The following SEPTIN9 variants were observed in gnomAD, a reference collection of about 807,000 sequenced individuals.
SEPTIN9 encodes septin-9.
A neutral mutation model predicts 56.6 loss-of-function variants in SEPTIN9; 13 were observed. The ratio of observed to expected loss-of-function variants is 0.23; its 90% CI spans 0.15 to 0.37. SEPTIN9 has a LOEUF of 0.37. Among genes scored for constraint, SEPTIN9 ranks in the 10% least tolerant of loss-of-function variants. The pLI, the probability that SEPTIN9 is intolerant of heterozygous loss-of-function variation, is 1.00. For missense variants in SEPTIN9, 650 were observed against 823.1 expected (o/e 0.79, Z 2.57); for synonymous variants, 332 against 334.1 (o/e 0.99, Z 0.07).
At position 77,456,317 on chromosome 17, in the gene SEPTIN9, T is replaced by G. The variant is rs2038201493; in HGVS notation, c.722-25827T>G. 1 of 152,238 alleles carries G rather than the reference T, an allele frequency of 6.6e-6. No individual in the cohort carries two copies. The highest frequency in any genetic ancestry group is 1.5e-5 in the Non-Finnish European group (1 of 68,130). 9.4% of individuals were successfully genotyped at this position (152,238 alleles called of 1,614,324 possible). On this transcript the variant is annotated intron_variant, in intron 3 of 11. Coordinates refer to ENST00000427177, the MANE Select transcript of SEPTIN9 (RefSeq NM_001113491.2). This position sits in a 1 kb window ranked among gnomAD's most constrained non-coding sequence, Gnocchi z 6.0. ...GACGCCACACGAGGAGCAGGTGTGG[T>G]GTGCGTCCTCCTGCGGGTTCTCCAC...
intron 1 of SEPTIN9, among the ~76,000 whole-genome samples, chr17:77,292,633 A>G (rs1018579818): frequency 2.0e-5 from 3 of 152,052 alleles, no homozygotes; most frequent in Non-Finnish European, 4.4e-5. Flanking sequence ...AGCTGGGACT[A>G]CAGGCGCCCG....
At chr17:77,393,892 G>A (rs527550631) in intron 2 of SEPTIN9, among the ~76,000 whole-genome samples, 4 of 152,208 alleles carry the variant, frequency 2.6e-5, no homozygotes, top group African/African-American at 9.6e-5. Context: ...GGCCTCAGGG[G>A]CACCTTATTA....
At chr17:77,396,352 G>T (rs416470) in intron 2 of SEPTIN9, among the ~76,000 whole-genome samples, 1 of 152,230 alleles carries the variant, frequency 6.6e-6, no homozygotes, top group Non-Finnish European at 1.5e-5. Flanking sequence ...CTTTGAATCT[G>T]CCCAGTTGGG....
intron 3 of SEPTIN9, among the ~76,000 whole-genome samples, chr17:77,410,249 C>G (rs963058564): frequency 6.6e-6 from 1 of 152,294 alleles, no homozygotes; most frequent in East Asian, 1.9e-4. Context: ...CCCACTGCTG[C>G]TACTGGGTGT....
intron 3 of SEPTIN9, among the ~76,000 whole-genome samples, chr17:77,441,301 T>A (rs1240266714): frequency 1.3e-5 from 2 of 152,200 alleles, no homozygotes; most frequent in Non-Finnish European, 2.9e-5. Context: ...AACAGTCTCA[T>A]GCCAGATAGC....
chr17:77,481,759 G>A (rs1330150408), intron 3 of SEPTIN9, among the ~76,000 whole-genome samples: 1 of 152,202 alleles, frequency 6.6e-6, no homozygotes, highest in Non-Finnish European at 1.5e-5. Context: ...AGGGCCAGGA[G>A]AGGAGAGCAC....
intron 2 of SEPTIN9, chr17:77,375,926 T>C (rs2143931975): frequency 5.3e-6 from 1 of 188,002 alleles, no homozygotes; most frequent in African/African-American, 2.4e-5. Context: ...GGTGTGTATA[T>C]GGGAGTTGGA....
chr17:77,416,765 G>A (rs1229218409), intron 3 of SEPTIN9, among the ~76,000 whole-genome samples: 1 of 152,146 alleles, frequency 6.6e-6, no homozygotes, highest in Non-Finnish European at 1.5e-5. Flanking sequence ...GCTGGAACTG[G>A]ATGCAGAGCA....
In SEPTIN9 at chr17:77,451,287, C is replaced by T; in HGVS notation, c.722-30857C>T. 1.2e-6 allele frequency: 1 copy of T among 856,844 alleles called. No individual in the cohort carries two copies. 53.1% of individuals were successfully genotyped at this position (856,844 alleles called of 1,614,324 possible). ...TGCGCCGGGCCTGCCGCTGGGCGCC[C>T]CTATCTCTGCCTGCCCCCTCCTCCT... On this transcript the variant is annotated intron_variant, in intron 3 of 11. Transcript: ENST00000427177. This position sits in a 1 kb window ranked among gnomAD's most constrained non-coding sequence, Gnocchi z 4.2.
At chr17:77,383,190 C>CTCCCTCTT (rs1555655727) in intron 2 of SEPTIN9, among the ~76,000 whole-genome samples, 8 of 147,986 alleles carry the variant, frequency 5.4e-5, no homozygotes, top group African/African-American at 2.0e-4. Flanking sequence ...CCTTCTCTCC[C>CTCCCTCTT]TCCCTCCCTC....
chr17:77,379,445 C>T (rs1370277091), intron 2 of SEPTIN9, among the ~76,000 whole-genome samples: 1 of 152,144 alleles, frequency 6.6e-6, no homozygotes, highest in Admixed American at 6.5e-5. Flanking sequence ...GCAGACTGTG[C>T]ATTTGTCTGT....
rs920373740 is a variant in SEPTIN9, at chr17:77,371,693, C to T, written c.77-30366C>T. ...ATACCCTGGCCTGGCGTGGAAGATA[C>T]GGGGTGCTATTAATGGCAGCAATGG... On this transcript the variant is annotated intron_variant, in intron 2 of 11. Coordinates refer to ENST00000427177, the MANE Select transcript of SEPTIN9 (RefSeq NM_001113491.2). The surrounding 1 kb of genome is among the most constrained non-coding windows in gnomAD (Gnocchi z 4.1). Among the ~76,000 whole-genome samples the T allele has an allele frequency of 2.1e-4, 32 of 152,262 alleles. No homozygotes were observed. Among genetic ancestry groups the T allele is most frequent in the African/African-American group, 6.5e-4 (27 of 41,542 alleles).
rs147633418 is a variant in SEPTIN9 at position 77,311,936 on chromosome 17, A to G, written c.76+4739A>G. Among the ~76,000 whole-genome samples, 49 of 152,134 alleles carry G rather than the reference A, an allele frequency of 3.2e-4. No individual in the cohort carries two copies. The East Asian group carries it at 7.4e-3, about 23-fold the overall frequency. ...ACCCATAGCTACCCACTCTTCCTCT[A>G]TTTCTCTGATATCAGCCTTGCCACC... is the stretch of plus-strand genomic sequence containing the variant. On this transcript the variant is annotated intron_variant, in intron 2 of 11. Coordinates refer to ENST00000427177, the MANE Select transcript of SEPTIN9 (RefSeq NM_001113491.2).
chr17:77,409,293 C>A (rs888900165), intron 3 of SEPTIN9, among the ~76,000 whole-genome samples: 29 of 150,224 alleles, frequency 1.9e-4, no homozygotes, highest in Middle Eastern at 3.4e-3. Flanking sequence ...GAACAGGAAT[C>A]AATGCGGGAG....
intron 2 of SEPTIN9, among the ~76,000 whole-genome samples, chr17:77,354,776 G>A (rs2034170284): frequency 6.6e-6 from 1 of 152,102 alleles, no homozygotes; most frequent in South Asian, 2.1e-4. Flanking sequence ...ACAGACAGTG[G>A]AGGGCGGTGC....
intron 3 of SEPTIN9, among the ~76,000 whole-genome samples, chr17:77,431,841 A>G (rs2144285414): frequency 6.6e-6 from 1 of 152,032 alleles, no homozygotes; most frequent in Admixed American, 6.5e-5. Flanking sequence ...AAAAAAAAAA[A>G]AAAAAAAAAA....
At chr17:77,488,351 G>A in intron 6 of SEPTIN9, 30 bp downstream of exon 6, 1 of 1,591,932 alleles carries the variant, frequency 6.3e-7, no homozygotes, top group Non-Finnish European at 8.6e-7. Context: ...AGGAGCACTA[G>A]CGGGGGCTTC....
chr17:77,472,565 T>A (rs1392895073), intron 3 of SEPTIN9: 1 of 152,224 alleles, frequency 6.6e-6, no homozygotes, highest in Non-Finnish European at 1.5e-5. Context: ...ACAGGGGAAC[T>A]GTAAAGCTGC....
chr17:77,350,050 G>A (rs189711956), intron 2 of SEPTIN9, among the ~76,000 whole-genome samples: 113 of 152,374 alleles, frequency 7.4e-4, no homozygotes, highest in African/African-American at 2.6e-3. Flanking sequence ...GTGACTGCCA[G>A]CTGGCCGAAT....
Sources: gnomAD v4.1 joint callset for allele counts (sites outside exome capture counted in the v4.1 genomes callset) on GRCh38, gnomAD v4.1.1 for gene constraint, Gnocchi (gnomAD v3.1) non-coding constraint, MANE v1.5 for transcripts, NCBI Gene and HGNC (gene_info 2026-07-23, HGNC 2026-07-21) for gene names.